APBB1: variants seen among roughly 807,000 people sequenced by gnomAD.
The protein encoded by APBB1 is adaptor protein FE65a2.
A neutral mutation model predicts 78.4 loss-of-function variants in APBB1; 22 were observed. The observed-to-expected ratio is 0.28, with a 90% CI of 0.20 to 0.40. The LOEUF (loss-of-function observed/expected upper bound fraction) is 0.40, where lower values mean the gene tolerates loss of function less well. Among genes scored for constraint, APBB1 ranks in the 10% least tolerant of loss-of-function variants. The probability of loss-of-function intolerance (pLI) is 1.00; values close to 1 mark genes in which losing one functional copy is unlikely to be tolerated. For missense variants in APBB1, 749 were observed against 932.4 expected (o/e 0.80, Z 2.56); for synonymous variants, 369 against 372.7 (o/e 0.99, Z 0.12).
rs781155144 is a variant in APBB1, at chr11:6,402,568, G to A, written c.1254+8C>T. ...GTACCACCCCCTACCCCCGGCTCAG[G>A]TCCTTACTTCCCCCCAGCCCCCAGA... is the stretch of plus-strand genomic sequence containing the variant. On this transcript the variant is annotated splice_region_variant and intron_variant, in intron 7 of 14. Coordinates refer to ENST00000609360, the MANE Select transcript of APBB1 (RefSeq NM_001164.5). The A allele has an allele frequency of 1.9e-6, 3 of 1,613,596 alleles. No homozygotes were observed. The highest frequency in any genetic ancestry group is 1.3e-5 in the African/African-American group (1 of 74,842).
rs1848628068 is a variant in APBB1 at position 6,403,296 on chromosome 11, G to C, written c.1040+23C>G. 1 of 1,613,476 alleles carries C rather than the reference G, an allele frequency of 6.2e-7. No individual in the cohort carries two copies. Among genetic ancestry groups the C allele is most frequent in the Non-Finnish European group, 8.5e-7 (1 of 1,179,624 alleles). On this transcript the variant is annotated intron_variant, in intron 5 of 14. Transcript: ENST00000609360. The surrounding 1 kb of genome is among the most constrained non-coding windows in gnomAD (Gnocchi z 5.3). ...TCCAGACAGATCCATCCCACTGCCA[G>C]CTCACTGCATCTGGCAGCTCACCTG...
chr11:6,402,890 T>C (rs1158923617), intron 6 of APBB1, 165 bp from the exon 7 acceptor site: 3 of 904,722 alleles, frequency 3.3e-6, no homozygotes, highest in South Asian at 1.7e-5. Flanking sequence ...GTGAGGGAGA[T>C]GTCAGATGAG....
At chr11:6,405,714 T>C in intron 2 of APBB1, 4 of 983,522 alleles carry the variant, frequency 4.1e-6, no homozygotes, top group Non-Finnish European at 2.4e-6. Flanking sequence ...ATCCACCTTC[T>C]AGGCAGCCAT....
intron 2 of APBB1, among the ~76,000 whole-genome samples, chr11:6,406,469 T>C (rs1229959205): frequency 1.3e-5 from 2 of 152,082 alleles, no homozygotes; most frequent in Admixed American, 6.6e-5. Flanking sequence ...TCCTCCAATC[T>C]CAGCTGCACA....
chr11:6,404,668 C>G, intron 2 of APBB1: 2 of 1,536,274 alleles, frequency 1.3e-6, no homozygotes, highest in Non-Finnish European at 1.7e-6. Flanking sequence ...ACCCTGTAAC[C>G]CGCTCATGCG....
intron 1 of APBB1, among the ~76,000 whole-genome samples, chr11:6,416,801 G>GC (rs1309937906): frequency 6.6e-6 from 1 of 151,702 alleles, no homozygotes; most frequent in Non-Finnish European, 1.5e-5. Flanking sequence ...CAGTGCAGTG[G>GC]CAAGATCTCG....
chr11:6,413,126 A>G (rs907208799), intron 1 of APBB1, among the ~76,000 whole-genome samples: 1 of 151,068 alleles, frequency 6.6e-6, no homozygotes, highest in African/African-American at 2.4e-5. Context: ...CCAGCCCCCG[A>G]TTTCAGTTAT....
chr11:6,401,147 T>C lies in APBB1; in HGVS notation c.1589-75A>G, dbSNP rs1848476673. The C allele has an allele frequency of 9.3e-6, 15 of 1,613,894 alleles. No homozygotes were observed. Among genetic ancestry groups the C allele is most frequent in the Non-Finnish European group, 1.3e-5 (15 of 1,179,902 alleles). ...GCAGCCCCACCAGCAGGGCATAAGCTGGACACTTGCCCAGCCGAGGCCCTA... is the reference window on the plus strand; with the variant it reads ...GCAGCCCCACCAGCAGGGCATAAGCCGGACACTTGCCCAGCCGAGGCCCTA... On this transcript the variant is annotated intron_variant, in intron 11 of 14. Coordinates refer to ENST00000609360, the MANE Select transcript of APBB1 (RefSeq NM_001164.5). This position sits in a 1 kb window ranked among gnomAD's most constrained non-coding sequence, Gnocchi z 4.5.
At position 6,411,937 on chromosome 11, in the gene APBB1, C is replaced by T. The variant is rs1848975437; in HGVS notation, c.-14-576G>A. ...GCAGAACCAGCCCTACAGGGCATGG[C>T]ACTGGAAGGCAGGTCACAGAGGGAG... On this transcript the variant is annotated intron_variant, in intron 1 of 14. Coordinates refer to ENST00000609360, the MANE Select transcript of APBB1 (RefSeq NM_001164.5). This position sits in a 1 kb window ranked among gnomAD's most constrained non-coding sequence, Gnocchi z 5.2. 6.6e-6 allele frequency among the ~76,000 whole-genome samples: 1 copy of T among 152,226 alleles called. No individual in the cohort carries two copies. Among genetic ancestry groups the T allele is most frequent in the Non-Finnish European group, 1.5e-5 (1 of 68,036 alleles).
Position 6,395,528 on chromosome 11 carries a change from G to A in APBB1, c.*6C>T. On this transcript the variant is annotated 3_prime_UTR_variant, in exon 15 of 15. Coordinates refer to ENST00000609360, the MANE Select transcript of APBB1 (RefSeq NM_001164.5). The surrounding 1 kb of genome is among the most constrained non-coding windows in gnomAD (Gnocchi z 5.2). ...ACAAGCAGGTGGAGGGAAGGTGGGG[G>A]CTTCTTCATGGGGTATGGGCCCCCA... is the stretch of plus-strand genomic sequence containing the variant. 6.5e-7 allele frequency: 1 copy of A among 1,541,096 alleles called. No homozygotes were observed.
chr11:6,395,383 C>A lies in APBB1; in HGVS notation c.*151G>T. 1 of 824,178 alleles carries A rather than the reference C, an allele frequency of 1.2e-6. No individual in the cohort carries two copies. The highest frequency in any genetic ancestry group is 2.6e-5 in the South Asian group (1 of 38,346). 51.1% of individuals were successfully genotyped at this position (824,178 alleles called of 1,614,324 possible). A position where few individuals can be genotyped will look rare whatever the true frequency, so the allele number is the denominator to read the frequency against. On this transcript the variant is annotated 3_prime_UTR_variant, in exon 15 of 15. Coordinates refer to ENST00000609360, the MANE Select transcript of APBB1 (RefSeq NM_001164.5). The surrounding 1 kb of genome is among the most constrained non-coding windows in gnomAD (Gnocchi z 5.2). Reference sequence around the variant, plus strand: ...CTTGAAGGGATTAGATCTCTCCCTCCCCAGCTCCTAGGCAGGGAACCGTAG... The same window carrying A: ...CTTGAAGGGATTAGATCTCTCCCTCACCAGCTCCTAGGCAGGGAACCGTAG...
intron 1 of APBB1, among the ~76,000 whole-genome samples, chr11:6,417,270 T>A (rs1849143672): frequency 6.6e-6 from 1 of 152,242 alleles, no homozygotes; most frequent in Admixed American, 6.5e-5. Flanking sequence ...ACTCATCCAC[T>A]ATATTTTAGT....
intron 1 of APBB1, among the ~76,000 whole-genome samples, chr11:6,417,282 C>G (rs1849143883): frequency 6.6e-6 from 1 of 152,192 alleles, no homozygotes; most frequent in African/African-American, 2.4e-5. Flanking sequence ...TATTTTAGTT[C>G]AAACGTCATG....
rs748029192 is a variant in APBB1, at chr11:6,401,378, C to T, written c.1555G>A (p.Asp519Asn). 59 of 1,613,952 alleles carry T rather than the reference C, an allele frequency of 3.7e-5. No individual in the cohort carries two copies. Among genetic ancestry groups the T allele is most frequent in the Non-Finnish European group, 4.9e-5 (58 of 1,180,020 alleles). ...ARCLVNGLSL[D>N]HSKLVDVPFQ... ...GGGACATCCACAAGTTTAGAGTGGT[C>T]CAGGGAGAGTCCATTTACCAAGCAG... The change falls in exon 11 of 15, where the codon GAC (aspartate) becomes AAC (asparagine). Residue 519 changes from aspartate to asparagine, a missense_variant. Physicochemically the swap from Asp to Asn is conservative, Grantham distance 23. This residue lies in a region of APBB1 where 635 missense variants were observed against 765.0 expected (regional missense o/e 0.83). Coordinates refer to ENST00000609360, the MANE Select transcript of APBB1 (RefSeq NM_001164.5). The surrounding 1 kb of genome is among the most constrained non-coding windows in gnomAD (Gnocchi z 4.5).
In APBB1 at chr11:6,401,541, G is replaced by A; in HGVS notation, c.1503+33C>T. ...ACCCACACCCTTGTAGAGCAAAGGT[G>A]GCAACTAGTCCAGGGAGTGGAGGGG... On this transcript the variant is annotated intron_variant, in intron 10 of 14. Coordinates refer to ENST00000609360, the MANE Select transcript of APBB1 (RefSeq NM_001164.5). The surrounding 1 kb of genome is among the most constrained non-coding windows in gnomAD (Gnocchi z 4.5). 1.2e-6 allele frequency: 2 copies of A among 1,614,108 alleles called. No homozygotes were observed. Among genetic ancestry groups the A allele is most frequent in the East Asian group, 2.2e-5 (1 of 44,878 alleles).
intron 12 of APBB1, 180 bp from the exon 13 acceptor site, chr11:6,396,395 C>A (rs1848224061): frequency 3.5e-6 from 2 of 575,758 alleles, no homozygotes; most frequent in South Asian, 4.5e-5. Context: ...CCCCTGGCTT[C>A]AGTAACTGGA....
chr11:6,417,112 C>T (rs2723668), intron 1 of APBB1, among the ~76,000 whole-genome samples: 39,634 of 152,126 alleles, frequency 0.26, 5,375 homozygotes, highest in Admixed American at 0.32. Flanking sequence ...CTCCTCCCTG[C>T]CCCTGGCTTT....
At chr11:6,412,817 C>T (rs1849005372) in intron 1 of APBB1, among the ~76,000 whole-genome samples, 2 of 152,274 alleles carry the variant, frequency 1.3e-5, no homozygotes, top group Middle Eastern at 3.4e-3. Flanking sequence ...TCAGAAAACA[C>T]TTTGGTTACG....
intron 2 of APBB1, among the ~76,000 whole-genome samples, chr11:6,406,661 T>C (rs779932790): frequency 6.6e-6 from 1 of 152,158 alleles, no homozygotes; most frequent in Non-Finnish European, 1.5e-5. Context: ...TTCTCTCTCT[T>C]TGCTTGGGAC....
Sources: allele counts gnomAD v4.1 joint callset (sites outside exome capture counted in the v4.1 genomes callset), GRCh38; gene constraint gnomAD v4.1.1; regional missense constraint gnomAD v4.1.1; non-coding constraint Gnocchi (gnomAD v3.1); transcripts MANE v1.5; gene names NCBI Gene and HGNC (gene_info 2026-07-23, HGNC 2026-07-21).